TRDN: variants seen among roughly 807,000 people sequenced by gnomAD.
TRDN encodes triadin in skeletal muscle.
TRDN carries 161 observed loss-of-function variants against 149.7 expected under a neutral mutation model. The observed-to-expected ratio is 1.08, with a 90% confidence interval of 0.95 to 1.23. The LOEUF (loss-of-function observed/expected upper bound fraction) is 1.23. TRDN is among the 50% of genes most tolerant of loss of function. The pLI is 0.00. For synonymous variants in TRDN, 294 were observed against 250.5 expected, an observed-to-expected ratio of 1.17 and a Z score of -1.64; for missense variants, 896 against 823.5, an observed-to-expected ratio of 1.09 and a Z score of -1.08.
At chr6:123,484,429 GCATATAAACTAA>G (rs1777895510) in intron 9 of TRDN, among the ~76,000 whole-genome samples, 1 of 152,040 alleles carries the variant, frequency 6.6e-6, no homozygotes, top group Admixed American at 6.6e-5. Flanking sequence ...CTTCACTTGT[GCATATAAACTAA>G]CAGATAAGAT....
At chr6:123,412,275 A>G (rs889559356) in intron 12 of TRDN, among the ~76,000 whole-genome samples, 1 of 152,238 alleles carries the variant, frequency 6.6e-6, no homozygotes, top group Non-Finnish European at 1.5e-5. Context: ...TGGGGAGAAC[A>G]TGGTAAATTT....
chr6:123,465,083 A>T (rs1776708240), intron 9 of TRDN, 100 bp from the exon 10 acceptor site: 3 of 1,245,846 alleles, frequency 2.4e-6, no homozygotes, highest in Non-Finnish European at 2.2e-6. Context: ...CATAATTCAT[A>T]ATACCAAGCC....
At chr6:123,530,369 G>T in intron 5 of TRDN, 137 bp downstream of exon 5, 1 of 185,628 alleles carries the variant, frequency 5.4e-6, no homozygotes, top group South Asian at 9.6e-5. Context: ...ATTTATAACT[G>T]AAATTAACTG....
chr6:123,400,167 G>GTATGTATATATATA (rs1554232310), intron 12 of TRDN, among the ~76,000 whole-genome samples: 24 of 123,398 alleles, frequency 1.9e-4, no homozygotes, highest in African/African-American at 6.3e-4. Context: ...ATATGTATGT[G>GTATGTATATATATA]TATATATATA....
In TRDN at chr6:123,301,063, A is replaced by T. The variant is rs184537447; in HGVS notation, c.1510+15394T>A. Among the ~76,000 whole-genome samples, 6 of 151,964 alleles carry T rather than the reference A, an allele frequency of 3.9e-5. No individual in the cohort carries two copies. In the South Asian group the frequency reaches 1.2e-3, roughly 32 times the overall value. ...ATGAAATGAACCTACAAAAATTTCT[A>T]CTCTAAGGAATATGGAGTCTATTGT... On this transcript the variant is annotated intron_variant, in intron 24 of 40. Coordinates refer to ENST00000334268, the MANE Select transcript of TRDN (RefSeq NM_006073.4).
chr6:123,232,421 G>A (rs541481648), intron 38 of TRDN, among the ~76,000 whole-genome samples: 1 of 152,122 alleles, frequency 6.6e-6, no homozygotes, highest in African/African-American at 2.4e-5. Context: ...TATCCAAGCT[G>A]CATGGAATTA....
chr6:123,264,932 T>A (rs536717778), intron 33 of TRDN, among the ~76,000 whole-genome samples: 1 of 152,132 alleles, frequency 6.6e-6, no homozygotes, highest in South Asian at 2.1e-4. Flanking sequence ...GCAAACATAA[T>A]CTTTATGTGC....
chr6:123,381,597 T>G (rs2114418373), intron 15 of TRDN, among the ~76,000 whole-genome samples: 1 of 152,204 alleles, frequency 6.6e-6, no homozygotes, highest in South Asian at 2.1e-4. Flanking sequence ...CAAATATTAT[T>G]TGACAATAAA....
At chr6:123,238,013 T>C (rs1582758688) in intron 38 of TRDN, among the ~76,000 whole-genome samples, 1 of 152,110 alleles carries the variant, frequency 6.6e-6, no homozygotes, top group African/African-American at 2.4e-5. Flanking sequence ...TAAAAGTGTA[T>C]AATTGGAAGC....
intron 4 of TRDN, among the ~76,000 whole-genome samples, chr6:123,541,089 A>T (rs1583213472): frequency 6.6e-6 from 1 of 152,298 alleles, no homozygotes; most frequent in South Asian, 2.1e-4. Context: ...AATACATTAG[A>T]CCTAGCAGCT....
chr6:123,253,022 T>C (rs1334623660), intron 37 of TRDN, among the ~76,000 whole-genome samples: 1 of 152,094 alleles, frequency 6.6e-6, no homozygotes, highest in Admixed American at 6.6e-5. Flanking sequence ...CTTTATAAAA[T>C]ATATCATTTA....
intron 12 of TRDN, among the ~76,000 whole-genome samples, chr6:123,407,534 G>A (rs1198475813): frequency 6.6e-6 from 1 of 151,998 alleles, no homozygotes; most frequent in Non-Finnish European, 1.5e-5. Flanking sequence ...GCTGTTCAGA[G>A]ACATGTTTCT....
At chr6:123,367,005 T>C (rs1256818772) in intron 19 of TRDN, among the ~76,000 whole-genome samples, 1 of 152,162 alleles carries the variant, frequency 6.6e-6, no homozygotes, top group African/African-American at 2.4e-5. Context: ...ATAGAAAATT[T>C]CATTTGAATG....
chr6:123,336,355 C>T (rs1440612187), intron 22 of TRDN, among the ~76,000 whole-genome samples: 1 of 151,984 alleles, frequency 6.6e-6, no homozygotes, highest in Non-Finnish European at 1.5e-5. Flanking sequence ...AGGTAGCTAG[C>T]ACATTTTGCT....
In TRDN at chr6:123,224,120, C is replaced by A; in HGVS notation, c.1987G>T (p.Asp663Tyr). 3 of 1,610,238 alleles carry A rather than the reference C, an allele frequency of 1.9e-6. No individual in the cohort carries two copies. Among genetic ancestry groups the A allele is most frequent in the Non-Finnish European group, 2.5e-6 (3 of 1,177,804 alleles). The change falls in exon 39 of 41, where the codon GAT becomes TAT. Residue 663 changes from aspartate (D) to tyrosine (Y), a missense_variant. Asp to Tyr is a radical substitution (Grantham distance 160). Transcript: ENST00000334268. The part of the protein sequence containing the change: ...KPARVSKDVE[D>Y]VPASKKAKEG... ...TTAGCTTTCTTTGAAGCTGGTACAT[C>A]TTCAACATCTTCTAGAGTACAGAAA...
chr6:123,315,835 T>A (rs1389267690), intron 24 of TRDN, among the ~76,000 whole-genome samples: 2 of 151,942 alleles, frequency 1.3e-5, no homozygotes, highest in East Asian at 3.9e-4. Context: ...TAGCCTTGAG[T>A]GCCCAGCTAA....
chr6:123,581,077 AT>A (rs1388598878), intron 1 of TRDN, among the ~76,000 whole-genome samples: 2 of 152,180 alleles, frequency 1.3e-5, no homozygotes, highest in Non-Finnish European at 2.9e-5. Context: ...GCTAGAATTC[AT>A]TTTTTGAAGC....
At chr6:123,226,045 C>T (rs896696584) in intron 38 of TRDN, among the ~76,000 whole-genome samples, 9 of 151,580 alleles carry the variant, frequency 5.9e-5, no homozygotes, top group Admixed American at 3.3e-4. Flanking sequence ...TAGAAAAATG[C>T]TATTATGTAG....
intron 4 of TRDN, among the ~76,000 whole-genome samples, chr6:123,532,611 G>C (rs1392202597): frequency 6.6e-6 from 1 of 151,912 alleles, no homozygotes; most frequent in Non-Finnish European, 1.5e-5. Context: ...TGCCTGGCCA[G>C]TTCCCACAAT....
Sources: gnomAD v4.1 joint callset for allele counts (sites outside exome capture counted in the v4.1 genomes callset) on GRCh38, gnomAD v4.1.1 for gene constraint, MANE v1.5 for transcripts, NCBI Gene and HGNC (gene_info 2026-07-23, HGNC 2026-07-21) for gene names.